Variants in FRMD4B observed in about 807,000 individuals in gnomAD.
The protein encoded by FRMD4B is FERM domain-containing protein 4B.
Under a neutral mutation model 141.5 loss-of-function variants are expected in FRMD4B, and 74 were observed. That is an observed-to-expected ratio of 0.52 (90% CI 0.43 to 0.63). FRMD4B has a LOEUF of 0.63. Ranked by LOEUF, FRMD4B falls within the 30% of genes least tolerant of loss-of-function variation. The pLI, the probability that FRMD4B is intolerant of heterozygous loss-of-function variation, is 0.00. For missense variants in FRMD4B, 1,366 were observed against 1,253.4 expected, an observed-to-expected ratio of 1.09 and a Z score of -1.36; for synonymous variants, 506 against 467.9, an observed-to-expected ratio of 1.08 and a Z score of -1.05.
chr3:69,181,101 C>T lies in FRMD4B; in HGVS notation c.2649G>A (p.Ser883=), dbSNP rs569053028. The T allele has an allele frequency of 2.7e-5, 44 of 1,613,948 alleles. No homozygotes were observed. Among genetic ancestry groups the T allele is most frequent in the African/African-American group, 2.0e-4 (15 of 75,020 alleles). ...LRLPRKAAAK[S]EHITKNIHKA... is the part of the protein sequence containing the mutation. ...TGTGGATGTTTTTGGTGATGTGCTC[C>T]GATTTTGCAGCAGCCTTCCTTGGCA... The change falls in exon 21 of 23, where the codon TCG becomes TCA. Residue 883 remains serine (S), a synonymous_variant. Coordinates refer to ENST00000398540, the MANE Select transcript of FRMD4B (RefSeq NM_015123.3).
intron 1 of FRMD4B, among the ~76,000 whole-genome samples, chr3:69,332,896 A>G (rs1702418781): frequency 1.3e-5 from 2 of 151,754 alleles, no homozygotes; most frequent in African/African-American, 2.4e-5. Flanking sequence ...CCTTTTTTCT[A>G]TCGCTTCAAA....
intron 5 of FRMD4B, among the ~76,000 whole-genome samples, chr3:69,261,646 C>G (rs1433138773): frequency 2.0e-5 from 3 of 152,082 alleles, no homozygotes; most frequent in Admixed American, 2.0e-4. Context: ...TTTTTGTTTT[C>G]TTTGAAAGCA....
intron 7 of FRMD4B, among the ~76,000 whole-genome samples, chr3:69,247,515 C>G (rs1452621362): frequency 6.6e-6 from 1 of 152,208 alleles, no homozygotes; most frequent in African/African-American, 2.4e-5. Context: ...TTTTCTGAGT[C>G]TCACTCCGTC....
At chr3:69,483,951 C>T (rs1402474255) in intron 1 of FRMD4B, among the ~76,000 whole-genome samples, 1 of 152,116 alleles carries the variant, frequency 6.6e-6, no homozygotes, top group Non-Finnish European at 1.5e-5. Flanking sequence ...TTTTGTTCTC[C>T]CTGAAATAAA....
intron 1 of FRMD4B, among the ~76,000 whole-genome samples, chr3:69,445,809 G>A (rs1398474083): frequency 2.6e-5 from 4 of 152,108 alleles, no homozygotes; most frequent in Non-Finnish European, 5.9e-5. Flanking sequence ...ATAGTATTAA[G>A]CTACGTTTGT....
At chr3:69,520,108 T>TATATATATATGATGGA (rs1430983257) in intron 1 of FRMD4B, among the ~76,000 whole-genome samples, 4 of 121,260 alleles carry the variant, frequency 3.3e-5, no homozygotes, top group Non-Finnish European at 6.3e-5. Context: ...TAAAATGGAC[T>TATATATATATGATGGA]ATATATATAT....
At chr3:69,539,507 A>G (rs1701134373) in intron 1 of FRMD4B, among the ~76,000 whole-genome samples, 1 of 152,246 alleles carries the variant, frequency 6.6e-6, no homozygotes, top group Admixed American at 6.5e-5. Context: ...ATTAATTTCA[A>G]AACAAAGTGA....
At chr3:69,341,382 C>A (rs1437631848) in intron 1 of FRMD4B, among the ~76,000 whole-genome samples, 1 of 152,232 alleles carries the variant, frequency 6.6e-6, no homozygotes, top group African/African-American at 2.4e-5. Context: ...TGACCTTACT[C>A]TCAACTCAAC....
At chr3:69,457,859 A>G (rs961186775) in intron 1 of FRMD4B, among the ~76,000 whole-genome samples, 1 of 151,960 alleles carries the variant, frequency 6.6e-6, no homozygotes, top group Non-Finnish European at 1.5e-5. Flanking sequence ...TCATTCTTCC[A>G]CCATTTGTCT....
chr3:69,485,965 T>C (rs1167885292), intron 1 of FRMD4B, among the ~76,000 whole-genome samples: 1 of 152,268 alleles, frequency 6.6e-6, no homozygotes, highest in Non-Finnish European at 1.5e-5. Flanking sequence ...TGCAGATATA[T>C]GTATTCTAGA....
At chr3:69,288,217 C>T (rs1389310978) in intron 4 of FRMD4B, among the ~76,000 whole-genome samples, 1 of 152,246 alleles carries the variant, frequency 6.6e-6, no homozygotes, top group South Asian at 2.1e-4. Flanking sequence ...AAGCTGAAGT[C>T]GGCTGAGCAA....
intron 1 of FRMD4B, among the ~76,000 whole-genome samples, chr3:69,340,039 GC>G (rs1398265673): frequency 6.6e-6 from 1 of 152,074 alleles, no homozygotes; most frequent in African/African-American, 2.4e-5. Flanking sequence ...CTGGGCCCCA[GC>G]CACATTGCCT....
At chr3:69,202,189 G>A (rs1231079215) in intron 11 of FRMD4B, among the ~76,000 whole-genome samples, 2 of 152,038 alleles carry the variant, frequency 1.3e-5, no homozygotes, top group African/African-American at 2.4e-5. Flanking sequence ...GGCGACAAGA[G>A]CGAAAATCCG....
chr3:69,263,270 T>C (rs1053870732), intron 5 of FRMD4B, among the ~76,000 whole-genome samples: 2 of 151,060 alleles, frequency 1.3e-5, no homozygotes, highest in Non-Finnish European at 2.9e-5. Flanking sequence ...AATAAATAAA[T>C]AAATAAATAA....
intron 1 of FRMD4B, among the ~76,000 whole-genome samples, chr3:69,322,488 T>G (rs2107287255): frequency 6.6e-6 from 1 of 152,262 alleles, no homozygotes; most frequent in East Asian, 1.9e-4. Context: ...TAGCAAACAC[T>G]TACTACATGT....
At chr3:69,207,055 C>G (rs1344064642) in intron 11 of FRMD4B, among the ~76,000 whole-genome samples, 1 of 152,126 alleles carries the variant, frequency 6.6e-6, no homozygotes, top group Non-Finnish European at 1.5e-5. Flanking sequence ...ATAATCCCAG[C>G]ACTTTGGGAG....
rs563904085 is a variant in FRMD4B at position 69,346,720 on chromosome 3, C to T, written c.163-33203G>A. Among the ~76,000 whole-genome samples, 1,273 of 152,224 alleles carry T rather than the reference C, an allele frequency of 8.4e-3. 25 individuals are homozygous for T. The highest frequency in any genetic ancestry group is 0.03 in the African/African-American group (1,226 of 41,538). On this transcript the variant is annotated intron_variant, in intron 1 of 22. Coordinates refer to ENST00000398540, the MANE Select transcript of FRMD4B (RefSeq NM_015123.3). The stretch of plus-strand genomic sequence containing the variant: ...GAATTTCCAACCCAGAATTTCATAT[C>T]CAGCCAAACTAAGCTTCATAAGTGA...
chr3:69,195,719 GCAA>G (rs1575598614), intron 14 of FRMD4B, among the ~76,000 whole-genome samples: 1 of 151,990 alleles, frequency 6.6e-6, no homozygotes, highest in East Asian at 1.9e-4. Flanking sequence ...AAGTAAGCAA[GCAA>G]GCAAGGAAAA....
At chr3:69,476,597 G>C (rs1467152046) in intron 1 of FRMD4B, among the ~76,000 whole-genome samples, 1 of 152,122 alleles carries the variant, frequency 6.6e-6, no homozygotes, top group Non-Finnish European at 1.5e-5. Flanking sequence ...TGCTGTTTTG[G>C]TTACTCTAGC....
Sources: gnomAD v4.1 joint callset for allele counts (sites outside exome capture counted in the v4.1 genomes callset) on GRCh38, gnomAD v4.1.1 for gene constraint, MANE v1.5 for transcripts, NCBI Gene and HGNC (gene_info 2026-07-23, HGNC 2026-07-21) for gene names.